Variants in GPHN observed in about 807,000 individuals in gnomAD.
GPHN encodes gephyrin.
In GPHN, 17 loss-of-function variants were observed where a neutral mutation model predicts 95.5. That is an observed-to-expected ratio of 0.18 (90% CI 0.12 to 0.27). The LOEUF is 0.27. GPHN is among the 10% of genes least tolerant of loss of function. The probability of loss-of-function intolerance (pLI) is 1.00; values close to 1 mark genes in which losing one functional copy is unlikely to be tolerated. For missense variants in GPHN, 660 were observed against 978.1 expected, an observed-to-expected ratio of 0.67 and a Z score of 4.34; for synonymous variants, 320 against 322.5, an observed-to-expected ratio of 0.99 and a Z score of 0.08.
intron 5 of GPHN, 125 bp from the exon 6 acceptor site, chr14:66,915,878 A>G (rs1219579565): frequency 2.8e-6 from 2 of 723,606 alleles, no homozygotes; most frequent in East Asian, 2.7e-5. Context: ...ATGTCTTAAG[A>G]TAACACTTTT....
At chr14:67,365,278 A>G in the GPHN span, among the ~76,000 whole-genome samples, 1 of 152,216 alleles carries the variant, frequency 6.6e-6, no homozygotes, top group East Asian at 1.9e-4. Flanking sequence ...TAATTGACTC[A>G]TGGTAACCAA....
At chr14:67,583,732 C>G in the GPHN span, 1 of 1,608,254 alleles carries the variant, frequency 6.2e-7, no homozygotes, top group Non-Finnish European at 8.5e-7. Flanking sequence ...TCATATGCTT[C>G]TACCACAGGT....
chr14:67,392,132 T>C, the GPHN span, among the ~76,000 whole-genome samples: 12 of 152,058 alleles, frequency 7.9e-5, no homozygotes, highest in Non-Finnish European at 1.5e-4. Context: ...CTGGTACACA[T>C]GTGTGTGTGA....
At chr14:67,579,581 TG>T in the GPHN span, 1 of 823,474 alleles carries the variant, frequency 1.2e-6, no homozygotes, top group South Asian at 1.8e-5. Flanking sequence ...CCTTTGCCTG[TG>T]AACACAGAAA....
At chr14:67,455,847 A>G in the GPHN span, among the ~76,000 whole-genome samples, 1 of 152,178 alleles carries the variant, frequency 6.6e-6, no homozygotes, top group Non-Finnish European at 1.5e-5. Context: ...TATGATCCCT[A>G]CCCTCTGGAG....
chr14:66,697,956 A>G (rs962498515), intron 2 of GPHN, among the ~76,000 whole-genome samples: 7 of 152,200 alleles, frequency 4.6e-5, no homozygotes, highest in Admixed American at 4.6e-4. Flanking sequence ...CAGCCTCCCA[A>G]AGTGCTGGGA....
At chr14:66,992,983 A>G (rs2071534243) in intron 9 of GPHN, among the ~76,000 whole-genome samples, 1 of 152,176 alleles carries the variant, frequency 6.6e-6, no homozygotes, top group African/African-American at 2.4e-5. Context: ...CTCTATTTAA[A>G]CAGAAATGTT....
chr14:66,873,749 G>A (rs1376038873), intron 4 of GPHN, among the ~76,000 whole-genome samples: 1 of 152,182 alleles, frequency 6.6e-6, no homozygotes, highest in Non-Finnish European at 1.5e-5. Flanking sequence ...CTGAAAGACA[G>A]GAGCCCCAGG....
chr14:67,543,408 G>A, the GPHN span, among the ~76,000 whole-genome samples: 5 of 152,166 alleles, frequency 3.3e-5, no homozygotes, highest in Non-Finnish European at 4.4e-5. Flanking sequence ...GTACTGCCAG[G>A]TACTGCCGAT....
At chr14:67,349,504 C>A in the GPHN span, among the ~76,000 whole-genome samples, 11 of 152,168 alleles carry the variant, frequency 7.2e-5, no homozygotes, top group African/African-American at 2.2e-4. Context: ...AAACTATGTT[C>A]CATCTGGCTT....
At chr14:67,223,942 G>A in the GPHN span, 1 of 985,160 alleles carries the variant, frequency 1.0e-6, no homozygotes, top group Non-Finnish European at 1.2e-6. Flanking sequence ...AATTAAAAAT[G>A]AGTCCGTAAT....
chr14:67,153,168 G>A (rs1467335062), intron 18 of GPHN, among the ~76,000 whole-genome samples: 2 of 152,048 alleles, frequency 1.3e-5, no homozygotes, highest in Non-Finnish European at 2.9e-5. Context: ...GCATAGTGGT[G>A]CTTGCCTGTA....
chr14:67,295,855 T>G, the GPHN span, among the ~76,000 whole-genome samples: 6 of 152,174 alleles, frequency 3.9e-5, no homozygotes, highest in Non-Finnish European at 7.3e-5. Context: ...ATTTCACTTG[T>G]AGGTATATAG....
At chr14:66,559,121 C>G (rs1054851879) in intron 1 of GPHN, among the ~76,000 whole-genome samples, 1 of 152,154 alleles carries the variant, frequency 6.6e-6, no homozygotes, top group African/African-American at 2.4e-5. Flanking sequence ...GCCACATTTT[C>G]TTAATTCAGT....
At chr14:67,317,593 A>G in the GPHN span, 1 of 644,610 alleles carries the variant, frequency 1.6e-6, no homozygotes, top group Non-Finnish European at 2.5e-6. Flanking sequence ...AGTAGAAAGT[A>G]TTTTCTTTTG....
chr14:67,685,166 C>T, the GPHN span: 1 of 1,614,164 alleles, frequency 6.2e-7, no homozygotes, highest in Non-Finnish European at 8.5e-7. Context: ...TCAGATTGGA[C>T]TGTGCCAGGG....
intron 8 of GPHN, among the ~76,000 whole-genome samples, chr14:66,933,735 A>T (rs1429898489): frequency 6.6e-6 from 1 of 152,168 alleles, no homozygotes; most frequent in East Asian, 1.9e-4. Context: ...AATTTTTATA[A>T]ACTTTGTAAA....
intron 4 of GPHN, among the ~76,000 whole-genome samples, chr14:66,829,810 G>A (rs1032964639): frequency 6.6e-6 from 1 of 152,080 alleles, no homozygotes; most frequent in Non-Finnish European, 1.5e-5. Context: ...TGCCATGCTT[G>A]GTACTGAAGT....
chr14:67,064,221 G>C (rs2075946008), intron 11 of GPHN, among the ~76,000 whole-genome samples: 1 of 152,144 alleles, frequency 6.6e-6, no homozygotes, highest in Non-Finnish European at 1.5e-5. Flanking sequence ...TTTGGTTTAT[G>C]TGATGGATTA....
Sources: allele counts gnomAD v4.1 joint callset (sites outside exome capture counted in the v4.1 genomes callset), GRCh38; gene constraint gnomAD v4.1.1; transcripts MANE v1.5; gene names NCBI Gene and HGNC (gene_info 2026-07-23, HGNC 2026-07-21).